Variants in NRXN2 observed in about 807,000 individuals in gnomAD.
NRXN2 encodes neurexin-2-beta.
In NRXN2, 29 loss-of-function variants were observed where a neutral mutation model predicts 128.8. The observed-to-expected ratio is 0.23, with a 90% CI of 0.17 to 0.31. NRXN2 has a LOEUF of 0.31. Among genes scored for constraint, NRXN2 ranks in the 10% least tolerant of loss-of-function variants. The pLI, the probability that NRXN2 is intolerant of heterozygous loss-of-function variation, is 1.00. For missense variants in NRXN2, 1,881 were observed against 2,452.6 expected, an observed-to-expected ratio of 0.77 and a Z score of 4.92; for synonymous variants, 1,098 against 1,075.2, an observed-to-expected ratio of 1.02 and a Z score of -0.41.
intron 17 of NRXN2, among the ~76,000 whole-genome samples, chr11:64,642,008 GTCAA>G (rs2045749123): frequency 6.6e-6 from 1 of 152,076 alleles, no homozygotes; most frequent in Non-Finnish European, 1.5e-5. Context: ...ACATGAAGAG[GTCAA>G]GGAGGAAGAG....
intron 17 of NRXN2, among the ~76,000 whole-genome samples, chr11:64,640,321 C>T (rs2045471564): frequency 6.6e-6 from 1 of 152,220 alleles, no homozygotes; most frequent in African/African-American, 2.4e-5. Flanking sequence ...TTCCTACCTG[C>T]TCAGGGTCCC....
intron 22 of NRXN2, among the ~76,000 whole-genome samples, chr11:64,614,738 A>G (rs545812898): frequency 5.9e-5 from 9 of 152,358 alleles, no homozygotes; most frequent in Admixed American, 2.6e-4. Flanking sequence ...ACACCACAGT[A>G]TGCTGGGTGT....
chr11:64,709,737 A>G (rs2135663023), intron 2 of NRXN2, among the ~76,000 whole-genome samples: 1 of 152,260 alleles, frequency 6.6e-6, no homozygotes, highest in Middle Eastern at 3.4e-3. Context: ...GTACCAGATT[A>G]GGTGCTGGGA....
intron 7 of NRXN2, chr11:64,676,374 G>A (rs988073098): frequency 2.6e-5 from 4 of 153,222 alleles, no homozygotes; most frequent in South Asian, 2.1e-4. Flanking sequence ...TGATTTGCAT[G>A]AGGTCTGGAC....
intron 18 of NRXN2, among the ~76,000 whole-genome samples, chr11:64,633,202 C>A (rs1366333608): frequency 6.6e-6 from 1 of 152,202 alleles, no homozygotes; most frequent in Non-Finnish European, 1.5e-5. Flanking sequence ...GGAGGAAATC[C>A]CTTCTCCTCG....
intron 2 of NRXN2, among the ~76,000 whole-genome samples, chr11:64,699,391 T>TGCA (rs1201660631): frequency 5.3e-5 from 8 of 150,020 alleles, no homozygotes; most frequent in Non-Finnish European, 1.0e-4. Context: ...ACCTGACAGC[T>TGCA]GCATCACCTA....
intron 6 of NRXN2, among the ~76,000 whole-genome samples, chr11:64,681,832 G>T (rs1331048124): frequency 1.3e-5 from 2 of 152,214 alleles, no homozygotes; most frequent in African/African-American, 4.8e-5. Flanking sequence ...ATGGAGAACA[G>T]CACAGCAGAC....
At position 64,677,432 on chromosome 11, in the gene NRXN2, A is replaced by C. The variant is rs530045276; in HGVS notation, c.1153-395T>G. ...GGTTAGTAGAGAAGAAAACAACAAA[A>C]GAACTGGACCAAGAAACCAAAGACT... On this transcript the variant is annotated intron_variant, in intron 6 of 22. Transcript: ENST00000265459. 3.3e-4 allele frequency among the ~76,000 whole-genome samples: 50 copies of C among 152,302 alleles called. 2 individuals are homozygous for C. In the South Asian group the frequency reaches 9.1e-3, roughly 28 times the overall value.
intron 2 of NRXN2, among the ~76,000 whole-genome samples, chr11:64,709,054 T>C (rs533884371): frequency 6.6e-6 from 1 of 151,882 alleles, no homozygotes; most frequent in East Asian, 1.9e-4. Flanking sequence ...TAGCTGGACA[T>C]AGTGGCGGGC....
chr11:64,715,748 G>A (rs1044202178), intron 1 of NRXN2, among the ~76,000 whole-genome samples: 2 of 152,164 alleles, frequency 1.3e-5, no homozygotes, highest in Admixed American at 1.3e-4. Flanking sequence ...GACTGCCTCT[G>A]CCCGGGCAGT....
chr11:64,667,718 G>T lies in NRXN2; in HGVS notation c.1360-30C>A, dbSNP rs749265146. 1.2e-6 allele frequency: 2 copies of T among 1,610,480 alleles called. No individual in the cohort carries two copies. The highest frequency in any genetic ancestry group is 2.7e-5 in the African/African-American group (2 of 74,884). ...AGGGAGGGGTGGGGTCAGGGATAAA[G>T]AATCCGAAAGCAGCTTAGGGCCTGG... On this transcript the variant is annotated intron_variant, in intron 8 of 22. Coordinates refer to ENST00000265459, the MANE Select transcript of NRXN2 (RefSeq NM_015080.4). The surrounding 1 kb of genome is among the most constrained non-coding windows in gnomAD (Gnocchi z 5.6).
At chr11:64,687,228 C>T (rs2135570908) in intron 5 of NRXN2, among the ~76,000 whole-genome samples, 1 of 152,358 alleles carries the variant, frequency 6.6e-6, no homozygotes, top group East Asian at 1.9e-4. Context: ...CAGGGTGCAT[C>T]CAGGGCCACC....
At chr11:64,678,964 T>C (rs551116935) in intron 6 of NRXN2, among the ~76,000 whole-genome samples, 1 of 152,258 alleles carries the variant, frequency 6.6e-6, no homozygotes, top group East Asian at 1.9e-4. Flanking sequence ...ATAACCAATA[T>C]TAATTATTAG....
intron 12 of NRXN2, among the ~76,000 whole-genome samples, chr11:64,653,153 G>A (rs2047718237): frequency 6.6e-6 from 1 of 152,148 alleles, no homozygotes; most frequent in Non-Finnish European, 1.5e-5. Context: ...CCCCTGCTGA[G>A]AGCCCTCACT....
At position 64,631,671 on chromosome 11, in the gene NRXN2, G is replaced by A. The variant is rs1185682934; in HGVS notation, c.3586-1098C>T. 6.6e-6 allele frequency among the ~76,000 whole-genome samples: 1 copy of A among 152,094 alleles called. No homozygotes were observed. The highest frequency in any genetic ancestry group is 1.5e-5 in the Non-Finnish European group (1 of 68,002). ...AAGCCCCAGATTTGAACCCCAGCTA[G>A]TCTGACTTCAAAGCCAGTGTTCTCT... On this transcript the variant is annotated intron_variant, in intron 18 of 22. Transcript: ENST00000265459. This position sits in a 1 kb window ranked among gnomAD's most constrained non-coding sequence, Gnocchi z 4.8.
At chr11:64,692,709 C>A (rs1269708316) in intron 4 of NRXN2, 138 bp downstream of exon 4, 25 of 748,586 alleles carry the variant, frequency 3.3e-5, no homozygotes, top group South Asian at 3.0e-4. Flanking sequence ...GCAAAGGAAG[C>A]GGGTAGGAAA....
At chr11:64,658,394 T>C (rs1255790933) in intron 11 of NRXN2, among the ~76,000 whole-genome samples, 2 of 152,202 alleles carry the variant, frequency 1.3e-5, no homozygotes, top group Admixed American at 1.3e-4. Context: ...TGCAGACTTG[T>C]GGAGCATTGA....
chr11:64,649,321 T>G (rs2047145828), intron 15 of NRXN2, among the ~76,000 whole-genome samples: 1 of 152,168 alleles, frequency 6.6e-6, no homozygotes, highest in Non-Finnish European at 1.5e-5. Flanking sequence ...TCCCAACTCT[T>G]GGGCTCTCTC....
intron 6 of NRXN2, among the ~76,000 whole-genome samples, chr11:64,681,084 G>A (rs2052184743): frequency 7.2e-6 from 1 of 138,158 alleles, no homozygotes; most frequent in Non-Finnish European, 1.5e-5. Flanking sequence ...GAGACAAAGT[G>A]AGACTCTATC....
Sources: gnomAD v4.1 joint callset for allele counts (sites outside exome capture counted in the v4.1 genomes callset) on GRCh38, gnomAD v4.1.1 for gene constraint, Gnocchi (gnomAD v3.1) non-coding constraint, MANE v1.5 for transcripts, NCBI Gene and HGNC (gene_info 2026-07-23, HGNC 2026-07-21) for gene names.